RSRC1: variants seen among roughly 807,000 people sequenced by gnomAD.
The protein encoded by RSRC1 is serine/Arginine-related protein 53.
A neutral mutation model predicts 49.1 loss-of-function variants in RSRC1; 39 were observed. The ratio of observed to expected loss-of-function variants is 0.79; its 90% CI spans 0.61 to 1.04. The LOEUF is 1.04. RSRC1 is among the 50% of genes least tolerant of loss of function. The pLI is 0.00. For synonymous variants in RSRC1, 143 were observed against 130.8 expected, an observed-to-expected ratio of 1.09 and a Z score of -0.63; for missense variants, 388 against 402.4, an observed-to-expected ratio of 0.96 and a Z score of 0.31.
intron 7 of RSRC1, among the ~76,000 whole-genome samples, chr3:158,487,613 C>T (rs1364822605): frequency 3.3e-5 from 5 of 151,878 alleles, no homozygotes; most frequent in African/African-American, 7.3e-5. Flanking sequence ...AGTTGTGATC[C>T]GAAAACCTTC....
At chr3:158,528,449 T>C (rs1215580147) in intron 7 of RSRC1, among the ~76,000 whole-genome samples, 1 of 151,852 alleles carries the variant, frequency 6.6e-6, no homozygotes, top group Non-Finnish European at 1.5e-5. Flanking sequence ...TTTTGTGTGC[T>C]AAGAAAAAAG....
chr3:158,127,999 G>A (rs1336451503), intron 3 of RSRC1, among the ~76,000 whole-genome samples: 1 of 152,174 alleles, frequency 6.6e-6, no homozygotes, highest in Non-Finnish European at 1.5e-5. Flanking sequence ...TTCTGACGAA[G>A]AAACAAGTTG....
At chr3:158,528,125 A>G (rs1385647800) in intron 7 of RSRC1, among the ~76,000 whole-genome samples, 1 of 151,968 alleles carries the variant, frequency 6.6e-6, no homozygotes, top group Non-Finnish European at 1.5e-5. Context: ...GGATGCAAAG[A>G]TATAAAAGAT....
chr3:158,123,971 G>A lies in RSRC1; in HGVS notation c.300G>A (p.Arg100=), dbSNP rs751918836. 1 of 1,601,480 alleles carries A rather than the reference G, an allele frequency of 6.2e-7. No individual in the cohort carries two copies. The highest frequency in any genetic ancestry group is 1.7e-5 in the Admixed American group (1 of 58,132). The part of the protein sequence containing the change: ...RGKSYRVQRS[R]SKSRTRRSRS... ...AATCCTATAGAGTTCAGAGGTCTAGGTCAAAAAGCAGAACAAGAAGGTATG... is the reference window on the plus strand; with the variant it reads ...AATCCTATAGAGTTCAGAGGTCTAGATCAAAAAGCAGAACAAGAAGGTATG... The change falls in exon 3 of 10, where the codon AGG becomes AGA. Residue 100 remains arginine (R), a synonymous_variant. Transcript: ENST00000611884.
chr3:158,451,999 T>C (rs998675801), intron 6 of RSRC1, among the ~76,000 whole-genome samples: 6 of 152,060 alleles, frequency 3.9e-5, no homozygotes, highest in Non-Finnish European at 8.8e-5. Context: ...TTGATGATTG[T>C]TACAAAGCAA....
At chr3:158,460,182 A>C (rs1374634263) in intron 6 of RSRC1, among the ~76,000 whole-genome samples, 1 of 151,872 alleles carries the variant, frequency 6.6e-6, no homozygotes, top group African/African-American at 2.4e-5. Context: ...ACTTATTTTC[A>C]CTTAGTTCAC....
intron 6 of RSRC1, among the ~76,000 whole-genome samples, chr3:158,375,979 G>A (rs899314040): frequency 6.7e-6 from 1 of 148,322 alleles, no homozygotes; most frequent in African/African-American, 2.6e-5. Flanking sequence ...ATATTTTAAG[G>A]GTGACTCTCC....
chr3:158,172,461 G>A (rs1264017989), intron 3 of RSRC1, among the ~76,000 whole-genome samples: 1 of 152,138 alleles, frequency 6.6e-6, no homozygotes, highest in African/African-American at 2.4e-5. Context: ...GTGCAATTAT[G>A]AAGATACTTT....
chr3:158,458,644 C>G (rs1026056631), intron 6 of RSRC1, among the ~76,000 whole-genome samples: 1 of 152,066 alleles, frequency 6.6e-6, no homozygotes. Flanking sequence ...GATGTAATTA[C>G]TTTGGTAAAT....
At chr3:158,115,326 A>T (rs1253777555) in intron 1 of RSRC1, among the ~76,000 whole-genome samples, 1 of 152,126 alleles carries the variant, frequency 6.6e-6, no homozygotes, top group East Asian at 1.9e-4. Context: ...CAAGACAGAT[A>T]GATCTGTGTC....
At chr3:158,523,267 A>C (rs1711804628) in intron 7 of RSRC1, among the ~76,000 whole-genome samples, 1 of 152,164 alleles carries the variant, frequency 6.6e-6, no homozygotes. Context: ...ATCTCAACAT[A>C]AAGTAGTAGG....
chr3:158,339,648 C>G (rs1283255801), intron 5 of RSRC1, among the ~76,000 whole-genome samples: 2 of 152,168 alleles, frequency 1.3e-5, no homozygotes, highest in African/African-American at 4.8e-5. Context: ...ATGTATGACA[C>G]TAAGGAGGAT....
At chr3:158,294,660 A>T (rs991601367) in intron 4 of RSRC1, among the ~76,000 whole-genome samples, 2 of 152,096 alleles carry the variant, frequency 1.3e-5, no homozygotes, top group Non-Finnish European at 2.9e-5. Context: ...CTAGTGTTCT[A>T]GTTTAGCCTC....
intron 5 of RSRC1, among the ~76,000 whole-genome samples, chr3:158,317,959 A>G (rs1203746363): frequency 6.6e-6 from 1 of 152,300 alleles, no homozygotes; most frequent in South Asian, 2.1e-4. Context: ...GCAGCCCAGA[A>G]CAGCTTTAAA....
At chr3:158,310,820 T>A (rs1728082755) in intron 5 of RSRC1, among the ~76,000 whole-genome samples, 2 of 151,834 alleles carry the variant, frequency 1.3e-5, no homozygotes, top group African/African-American at 4.8e-5. Context: ...AAATTGTTAT[T>A]CCCAGATACA....
chr3:158,264,010 G>A (rs1725036289), intron 4 of RSRC1, among the ~76,000 whole-genome samples: 1 of 151,964 alleles, frequency 6.6e-6, no homozygotes, highest in African/African-American at 2.4e-5. Flanking sequence ...ATTTTTCTCT[G>A]TAATGTTTCT....
chr3:158,483,702 A>T (rs1318222648), intron 7 of RSRC1, among the ~76,000 whole-genome samples: 2 of 152,070 alleles, frequency 1.3e-5, no homozygotes, highest in African/African-American at 4.8e-5. Flanking sequence ...AAAAAGACAA[A>T]TTTAAGTTTG....
At chr3:158,200,787 A>T (rs1265094698) in intron 3 of RSRC1, among the ~76,000 whole-genome samples, 2 of 152,122 alleles carry the variant, frequency 1.3e-5, no homozygotes, top group African/African-American at 4.8e-5. Flanking sequence ...TACCTGCCCC[A>T]TGCTTTATTC....
At chr3:158,226,662 C>G (rs1578215389) in intron 4 of RSRC1, among the ~76,000 whole-genome samples, 1 of 151,906 alleles carries the variant, frequency 6.6e-6, no homozygotes. Flanking sequence ...CCCTTTCTTA[C>G]AAATGTTAGG....
Sources: allele counts gnomAD v4.1 joint callset (sites outside exome capture counted in the v4.1 genomes callset), GRCh38; gene constraint gnomAD v4.1.1; transcripts MANE v1.5; gene names NCBI Gene and HGNC (gene_info 2026-07-23, HGNC 2026-07-21).